The following SGCZ variants were observed in gnomAD, a reference collection of about 807,000 sequenced individuals.
The protein encoded by SGCZ is zeta-sarcoglycan.
A neutral mutation model predicts 41.3 loss-of-function variants in SGCZ; 40 were observed. The ratio of observed to expected loss-of-function variants is 0.97; its 90% CI spans 0.75 to 1.26. The LOEUF (loss-of-function observed/expected upper bound fraction) is 1.26. Among genes scored for constraint, SGCZ ranks in the 50% most tolerant of loss-of-function variants. The probability of loss-of-function intolerance (pLI) is 0.00; values close to 1 mark genes in which losing one functional copy is unlikely to be tolerated. For synonymous variants in SGCZ, 206 were observed against 137.5 expected, an observed-to-expected ratio of 1.50 and a Z score of -3.49; for missense variants, 552 against 369.8, an observed-to-expected ratio of 1.49 and a Z score of -4.04.
At chr8:15,110,529 C>A (rs1807007499) in intron 1 of SGCZ, among the ~76,000 whole-genome samples, 1 of 152,210 alleles carries the variant, frequency 6.6e-6, no homozygotes, top group African/African-American at 2.4e-5. Context: ...GCCCACAGGG[C>A]AAAGGGATTA....
chr8:14,481,982 C>G (rs1167983228), intron 2 of SGCZ, among the ~76,000 whole-genome samples: 1 of 152,142 alleles, frequency 6.6e-6, no homozygotes. Context: ...CCGGACCACA[C>G]CATTGACAGC....
chr8:14,090,439 C>A lies in SGCZ; in HGVS notation c.*4G>T, dbSNP rs765655438. 10 of 1,609,016 alleles carry A rather than the reference C, an allele frequency of 6.2e-6. No homozygotes were observed. Among genetic ancestry groups the A allele is most frequent in the Admixed American group, 1.7e-5 (1 of 59,294 alleles). On this transcript the variant is annotated 3_prime_UTR_variant, in exon 8 of 8. Coordinates refer to ENST00000382080, the MANE Select transcript of SGCZ (RefSeq NM_139167.4). ...TATTCTGGTGTGAGGAGAAATCAGT[C>A]ACTTCAGCTCCACAGGCAGATGTTG...
At chr8:14,404,993 T>C (rs1350368522) in intron 2 of SGCZ, among the ~76,000 whole-genome samples, 1 of 152,198 alleles carries the variant, frequency 6.6e-6, no homozygotes, top group Non-Finnish European at 1.5e-5. Context: ...CTGTCCTTCG[T>C]GATTGCACAT....
intron 2 of SGCZ, among the ~76,000 whole-genome samples, chr8:14,501,306 C>CA (rs1485023326): frequency 6.6e-6 from 1 of 151,954 alleles, no homozygotes; most frequent in Non-Finnish European, 1.5e-5. Context: ...ATCAGATTAG[C>CA]AATCTTCATT....
At chr8:14,822,732 C>G (rs188985502) in intron 1 of SGCZ, among the ~76,000 whole-genome samples, 92 of 151,970 alleles carry the variant, frequency 6.1e-4, no homozygotes, top group Non-Finnish European at 8.5e-4. Flanking sequence ...ATAAGACAGT[C>G]TCTTCAATAA....
intron 1 of SGCZ, among the ~76,000 whole-genome samples, chr8:14,881,040 A>G (rs1804568670): frequency 1.3e-5 from 2 of 152,254 alleles, no homozygotes; most frequent in East Asian, 3.9e-4. Context: ...AAGTTGTATT[A>G]TTTACTATGT....
chr8:15,171,034 A>G (rs1799812519), intron 1 of SGCZ, among the ~76,000 whole-genome samples: 1 of 152,240 alleles, frequency 6.6e-6, no homozygotes, highest in Non-Finnish European at 1.5e-5. Context: ...TTATGAGGCT[A>G]TCTGCAATAT....
intron 1 of SGCZ, among the ~76,000 whole-genome samples, chr8:14,825,477 CATT>C (rs1458776820): frequency 2.0e-5 from 3 of 152,100 alleles, no homozygotes; most frequent in Non-Finnish European, 4.4e-5. Flanking sequence ...AAGTTTATGG[CATT>C]ATTTAATAAT....
intron 1 of SGCZ, among the ~76,000 whole-genome samples, chr8:15,024,284 C>T (rs191357002): frequency 5.3e-5 from 8 of 152,030 alleles, no homozygotes; most frequent in Admixed American, 4.6e-4. Flanking sequence ...TATATAAAAT[C>T]GACACTTTCT....
At chr8:14,749,285 G>A (rs904153581) in intron 1 of SGCZ, among the ~76,000 whole-genome samples, 3 of 152,068 alleles carry the variant, frequency 2.0e-5, no homozygotes, top group East Asian at 1.9e-4. Flanking sequence ...TAGAATGGCC[G>A]CCAGAGTTCC....
intron 2 of SGCZ, among the ~76,000 whole-genome samples, chr8:14,534,369 G>A (rs1045982793): frequency 6.6e-6 from 1 of 152,014 alleles, no homozygotes; most frequent in Non-Finnish European, 1.5e-5. Context: ...TAATACATGA[G>A]AGGAAATTAG....
intron 4 of SGCZ, among the ~76,000 whole-genome samples, chr8:14,203,471 T>A (rs1243063930): frequency 1.3e-5 from 2 of 152,204 alleles, no homozygotes; most frequent in African/African-American, 4.8e-5. Flanking sequence ...ATATATAAGA[T>A]TTATAATCTC....
intron 1 of SGCZ, among the ~76,000 whole-genome samples, chr8:14,572,897 C>T (rs1804597423): frequency 6.6e-6 from 1 of 152,078 alleles, no homozygotes; most frequent in South Asian, 2.1e-4. Context: ...TTTTCTTAAC[C>T]ATGTCAGGCT....
At chr8:14,510,443 G>GAA (rs138784898) in intron 2 of SGCZ, among the ~76,000 whole-genome samples, 2 of 146,558 alleles carry the variant, frequency 1.4e-5, no homozygotes, top group African/African-American at 5.0e-5. Context: ...TTGTCCTGTA[G>GAA]AAAAAAAAAA....
intron 1 of SGCZ, among the ~76,000 whole-genome samples, chr8:15,063,694 A>G: frequency 6.6e-6 from 1 of 152,218 alleles, no homozygotes; most frequent in Non-Finnish European, 1.5e-5. Flanking sequence ...TGCTTCACAG[A>G]AGACCAGTGA....
intron 2 of SGCZ, among the ~76,000 whole-genome samples, chr8:14,399,351 C>A (rs11993428): frequency 0.36 from 55,450 of 151,920 alleles, 11,062 homozygotes; most frequent in African/African-American, 0.53. Flanking sequence ...TAGAATCTGA[C>A]AGGCCTGGGC....
intron 1 of SGCZ, among the ~76,000 whole-genome samples, chr8:15,231,223 T>C (rs1472757233): frequency 6.6e-6 from 1 of 152,198 alleles, no homozygotes; most frequent in African/African-American, 2.4e-5. Context: ...CTTTTCTGGC[T>C]GGATGCTAAA....
chr8:14,563,383 A>G (rs534762567), intron 1 of SGCZ, among the ~76,000 whole-genome samples: 1 of 152,352 alleles, frequency 6.6e-6, no homozygotes, highest in African/African-American at 2.4e-5. Flanking sequence ...GCTAAAATAA[A>G]TGACTCCTGT....
chr8:15,079,178 T>A (rs1805652683), intron 1 of SGCZ, among the ~76,000 whole-genome samples: 1 of 152,212 alleles, frequency 6.6e-6, no homozygotes, highest in Non-Finnish European at 1.5e-5. Context: ...CCTGTTTTAG[T>A]TTTTCCTCCT....
Sources: allele counts gnomAD v4.1 joint callset (sites outside exome capture counted in the v4.1 genomes callset), GRCh38; gene constraint gnomAD v4.1.1; transcripts MANE v1.5; gene names NCBI Gene and HGNC (gene_info 2026-07-23, HGNC 2026-07-21).